The following FBXO33 variants were observed in gnomAD, a reference collection of about 807,000 sequenced individuals.
The protein encoded by FBXO33 is F-box protein 33.
A neutral mutation model predicts 46.3 loss-of-function variants in FBXO33; 22 were observed. The ratio of observed to expected loss-of-function variants is 0.48; its 90% CI spans 0.34 to 0.68. FBXO33 has a LOEUF of 0.68. FBXO33 is among the 30% of genes least tolerant of loss of function. FBXO33 has a pLI of 0.01. For synonymous variants in FBXO33, 337 were observed against 291.3 expected (o/e 1.16, Z -1.60); for missense variants, 692 against 708.8 (o/e 0.98, Z 0.27).
chr14:39,405,462 G>A (rs1482259457), intron 1 of FBXO33, among the ~76,000 whole-genome samples: 1 of 150,606 alleles, frequency 6.6e-6, no homozygotes, highest in Non-Finnish European at 1.5e-5. Flanking sequence ...TACTGGGATA[G>A]GGAATATTAG....
chr14:39,402,033 TAATG>T (rs2075371020), intron 2 of FBXO33, among the ~76,000 whole-genome samples, 172 bp from the exon 3 acceptor site: 1 of 152,198 alleles, frequency 6.6e-6, no homozygotes, highest in South Asian at 2.1e-4. Context: ...CATTAAAATA[TAATG>T]AATAAGGTAT....
chr14:39,404,375 G>C (rs1432340768), intron 1 of FBXO33, among the ~76,000 whole-genome samples: 1 of 152,098 alleles, frequency 6.6e-6, no homozygotes, highest in African/African-American at 2.4e-5. Flanking sequence ...CGCCCAAGCT[G>C]GAGTGCAGTG....
At chr14:39,406,037 T>C (rs1178480541) in intron 1 of FBXO33, among the ~76,000 whole-genome samples, 2 of 151,598 alleles carry the variant, frequency 1.3e-5, no homozygotes, top group Non-Finnish European at 2.9e-5. Context: ...GCTTCCATAT[T>C]AGACTCCAAA....
chr14:39,401,965 C>G (rs1567072343), intron 2 of FBXO33, 104 bp from the exon 3 acceptor site: 1 of 868,538 alleles, frequency 1.2e-6, no homozygotes, highest in African/African-American at 1.7e-5. Flanking sequence ...ATTTTGAGAT[C>G]TATTTTTCCT....
At chr14:39,418,572 G>A (rs563267105) in intron 1 of FBXO33, among the ~76,000 whole-genome samples, 93 of 150,488 alleles carry the variant, frequency 6.2e-4, no homozygotes, top group African/African-American at 1.9e-3. Context: ...TCAGGAGATT[G>A]AGACCATCCT....
At chr14:39,412,107 T>C (rs1013930429) in intron 1 of FBXO33, among the ~76,000 whole-genome samples, 17 of 152,238 alleles carry the variant, frequency 1.1e-4, no homozygotes, top group Admixed American at 6.5e-5. Context: ...ATCCAGTGTT[T>C]CCTCACTGAT....
intron 1 of FBXO33, among the ~76,000 whole-genome samples, chr14:39,417,751 G>T (rs2075456037): frequency 6.6e-6 from 1 of 152,068 alleles, no homozygotes; most frequent in African/African-American, 2.4e-5. Context: ...GGCTGGTCTT[G>T]AACTCCTGAC....
intron 1 of FBXO33, among the ~76,000 whole-genome samples, chr14:39,419,528 C>T (rs2075469767): frequency 2.0e-5 from 3 of 152,118 alleles, no homozygotes; most frequent in Admixed American, 1.3e-4. Flanking sequence ...GGAACAGAAC[C>T]TACTGGGCTG....
At chr14:39,429,705 A>C (rs1020891302) in intron 1 of FBXO33, among the ~76,000 whole-genome samples, 1 of 152,230 alleles carries the variant, frequency 6.6e-6, no homozygotes, top group Non-Finnish European at 1.5e-5. Context: ...CCATGCTAAT[A>C]GTAGATGACA....
intron 1 of FBXO33, among the ~76,000 whole-genome samples, chr14:39,410,185 T>C (rs2075416306): frequency 6.6e-6 from 1 of 152,214 alleles, no homozygotes. Context: ...TGGCCATATA[T>C]GGACTTTAGT....
chr14:39,407,131 G>C (rs2075402345), intron 1 of FBXO33, among the ~76,000 whole-genome samples: 1 of 152,114 alleles, frequency 6.6e-6, no homozygotes, highest in Admixed American at 6.5e-5. Context: ...TGCTAGCAAT[G>C]AACATTTGGA....
intron 1 of FBXO33, among the ~76,000 whole-genome samples, chr14:39,417,775 C>T (rs889015768): frequency 3.3e-5 from 5 of 152,246 alleles, no homozygotes; most frequent in East Asian, 1.9e-4. Flanking sequence ...ATGATCCACT[C>T]GCCTCGGCCT....
chr14:39,428,538 G>C (rs1002932358), intron 1 of FBXO33, among the ~76,000 whole-genome samples: 1 of 152,058 alleles, frequency 6.6e-6, no homozygotes, highest in Non-Finnish European at 1.5e-5. Context: ...AAAAAGTACT[G>C]CCCCTAACAG....
rs757995923 is a variant in FBXO33, at chr14:39,431,650, G to A, written c.513C>T (p.Ala171=). The A allele has an allele frequency of 1.2e-6, 2 of 1,613,460 alleles. No individual in the cohort carries two copies. Among genetic ancestry groups the A allele is most frequent in the East Asian group, 2.2e-5 (1 of 44,880 alleles). The change falls in exon 1 of 4, where the codon GCC becomes GCT. Residue 171 remains alanine (A), a synonymous_variant. Transcript: ENST00000298097. ...DTGTGGEEVE[A]LQLSARWLEV... ...CCAGCCAACGAGCTGAGAGCTGCAG[G>A]GCCTCGACTTCCTCCCCTCCAGTCC... is the stretch of plus-strand genomic sequence containing the variant.
intron 1 of FBXO33, among the ~76,000 whole-genome samples, chr14:39,408,834 G>A (rs1183882098): frequency 2.6e-5 from 4 of 151,846 alleles, no homozygotes. Flanking sequence ...GGAATGCAGT[G>A]GTGTAATCAT....
intron 1 of FBXO33, among the ~76,000 whole-genome samples, chr14:39,422,168 G>A (rs776893084): frequency 2.0e-5 from 3 of 152,346 alleles, no homozygotes; most frequent in African/African-American, 7.2e-5. Context: ...TGAGGCAGGA[G>A]AAGTGCTTGA....
At chr14:39,403,002 CTT>C (rs1228931534) in intron 1 of FBXO33, among the ~76,000 whole-genome samples, 1 of 152,156 alleles carries the variant, frequency 6.6e-6, no homozygotes, top group African/African-American at 2.4e-5. Context: ...GGAAAAGTCT[CTT>C]AATGTGCGTG....
At chr14:39,415,754 C>T (rs2075445399) in intron 1 of FBXO33, among the ~76,000 whole-genome samples, 1 of 151,688 alleles carries the variant, frequency 6.6e-6, no homozygotes, top group Non-Finnish European at 1.5e-5. Flanking sequence ...GCAACCTCTG[C>T]CTCCTAGGTT....
chr14:39,415,505 A>T (rs1237940957), intron 1 of FBXO33, among the ~76,000 whole-genome samples: 2 of 152,222 alleles, frequency 1.3e-5, no homozygotes, highest in African/African-American at 4.8e-5. Flanking sequence ...TTGCTGTATG[A>T]TTACCATGTG....
Sources: gnomAD v4.1 joint callset for allele counts (sites outside exome capture counted in the v4.1 genomes callset) on GRCh38, gnomAD v4.1.1 for gene constraint, MANE v1.5 for transcripts, NCBI Gene and HGNC (gene_info 2026-07-23, HGNC 2026-07-21) for gene names.